The following EXOC6B variants were observed in gnomAD, a reference collection of about 807,000 sequenced individuals.
EXOC6B encodes exocyst complex component 6B.
In EXOC6B, 54 loss-of-function variants were observed where a neutral mutation model predicts 113.5. The ratio of observed to expected loss-of-function variants is 0.48; its 90% confidence interval spans 0.38 to 0.60. The LOEUF is 0.60. Among genes scored for constraint, EXOC6B ranks in the 20% least tolerant of loss-of-function variants. The pLI, the probability that EXOC6B is intolerant of heterozygous loss-of-function variation, is 0.00. For missense variants in EXOC6B, 797 were observed against 977.5 expected (o/e 0.82, Z 2.46); for synonymous variants, 357 against 339.0 (o/e 1.05, Z -0.58).
intron 6 of EXOC6B, among the ~76,000 whole-genome samples, chr2:72,671,965 T>A (rs756326144): frequency 7.3e-5 from 11 of 151,724 alleles, no homozygotes; most frequent in Non-Finnish European, 1.2e-4. Flanking sequence ...TCACTAATCA[T>A]CAAAGAAATG....
intron 20 of EXOC6B, among the ~76,000 whole-genome samples, chr2:72,258,506 G>A (rs1683494453): frequency 6.6e-6 from 1 of 151,064 alleles, no homozygotes. Flanking sequence ...TGGGACACAG[G>A]CATGAACCAC....
At chr2:72,429,572 T>C (rs1695402259) in intron 18 of EXOC6B, among the ~76,000 whole-genome samples, 1 of 152,232 alleles carries the variant, frequency 6.6e-6, no homozygotes, top group Admixed American at 6.5e-5. Flanking sequence ...GTGGTAGCAA[T>C]TATTTACTAT....
chr2:72,349,726 T>A (rs966621259), intron 19 of EXOC6B, among the ~76,000 whole-genome samples: 24 of 152,188 alleles, frequency 1.6e-4, no homozygotes, highest in Admixed American at 1.0e-3. Context: ...GTATCCTTTA[T>A]AATAAAACTA....
chr2:72,250,990 C>T (rs574812993), intron 20 of EXOC6B, among the ~76,000 whole-genome samples: 6 of 148,180 alleles, frequency 4.0e-5, no homozygotes, highest in Non-Finnish European at 9.1e-5. Flanking sequence ...GAGTAGTTGG[C>T]TAATTTTGTG....
chr2:72,653,034 C>T (rs1186398587), intron 6 of EXOC6B, among the ~76,000 whole-genome samples: 1 of 151,510 alleles, frequency 6.6e-6, no homozygotes, highest in Non-Finnish European at 1.5e-5. Flanking sequence ...AATCCTGTTG[C>T]CATTTTCCAG....
intron 18 of EXOC6B, among the ~76,000 whole-genome samples, chr2:72,415,322 T>C (rs1248001464): frequency 3.4e-5 from 5 of 147,478 alleles, no homozygotes; most frequent in East Asian, 3.9e-4. Flanking sequence ...AAGCAAAAGA[T>C]GCTGAGCCTG....
chr2:72,718,350 T>C (rs1573681580), intron 5 of EXOC6B, 43 bp from the exon 6 acceptor site: 1 of 1,565,258 alleles, frequency 6.4e-7, no homozygotes, highest in Non-Finnish European at 8.8e-7. Context: ...CAGTTTTCTT[T>C]AGGGTTAGGC....
chr2:72,358,324 CT>C (rs1026389456), intron 19 of EXOC6B, among the ~76,000 whole-genome samples: 2 of 151,980 alleles, frequency 1.3e-5, no homozygotes, highest in Non-Finnish European at 2.9e-5. Context: ...CAGATATCAC[CT>C]AGTCCACCTT....
chr2:72,722,332 A>G (rs1264732191), intron 5 of EXOC6B, among the ~76,000 whole-genome samples: 1 of 152,136 alleles, frequency 6.6e-6, no homozygotes, highest in Non-Finnish European at 1.5e-5. Context: ...CCTTAAAAAG[A>G]AAAAAGACTT....
At chr2:72,545,352 T>A (rs1270254502) in intron 8 of EXOC6B, among the ~76,000 whole-genome samples, 1 of 152,140 alleles carries the variant, frequency 6.6e-6, no homozygotes, top group Non-Finnish European at 1.5e-5. Flanking sequence ...TTGAAGTATT[T>A]CATTTAAAAA....
chr2:72,814,765 G>A (rs1339552957), intron 1 of EXOC6B, among the ~76,000 whole-genome samples: 1 of 151,796 alleles, frequency 6.6e-6, no homozygotes, highest in Admixed American at 6.6e-5. Context: ...GCCAAGGCAG[G>A]TGGATCACGA....
chr2:72,681,296 C>T (rs991620118), intron 6 of EXOC6B, among the ~76,000 whole-genome samples: 2 of 152,002 alleles, frequency 1.3e-5, no homozygotes, highest in Non-Finnish European at 2.9e-5. Context: ...TCATATTCAC[C>T]CTCAAAATTT....
intron 20 of EXOC6B, among the ~76,000 whole-genome samples, chr2:72,265,984 T>C (rs1356986616): frequency 2.0e-5 from 3 of 152,246 alleles, no homozygotes; most frequent in Admixed American, 2.0e-4. Context: ...TGGTTTTGAT[T>C]TGCATTTCTC....
chr2:72,464,170 A>G (rs1057348901), intron 18 of EXOC6B: 9 of 152,170 alleles, frequency 5.9e-5, no homozygotes, highest in African/African-American at 2.2e-4. Flanking sequence ...AGGGATGGTA[A>G]AGTAACACTG....
chr2:72,740,874 G>A (rs952164911), intron 2 of EXOC6B, among the ~76,000 whole-genome samples: 37 of 152,118 alleles, frequency 2.4e-4, no homozygotes, highest in African/African-American at 8.0e-4. Flanking sequence ...AGGCCGAGGC[G>A]GGCAGATCAC....
At position 72,305,979 on chromosome 2, in the gene EXOC6B, A is replaced by G. The variant is rs144127556; in HGVS notation, c.2196+28968T>C. 9.0e-3 allele frequency among the ~76,000 whole-genome samples: 1,374 copies of G among 152,218 alleles called. 17 individuals are homozygous for G. Among genetic ancestry groups the G allele is most frequent in the Non-Finnish European group, 0.013 (898 of 67,996 alleles). The stretch of plus-strand genomic sequence containing the variant: ...CCAGGGCCTTCTGTCTTGTTCTCCT[A>G]TTCCAAAAGGGGGAGCAAGCAGCAT... On this transcript the variant is annotated intron_variant, in intron 20 of 21. Coordinates refer to ENST00000272427, the MANE Select transcript of EXOC6B (RefSeq NM_015189.3).
intron 20 of EXOC6B, among the ~76,000 whole-genome samples, chr2:72,212,125 G>C (rs555553402): frequency 6.6e-6 from 1 of 152,202 alleles, no homozygotes; most frequent in Non-Finnish European, 1.5e-5. Context: ...TCTAAAGGTG[G>C]TTGACAGGGT....
At chr2:72,664,902 G>T (rs1027122485) in intron 6 of EXOC6B, among the ~76,000 whole-genome samples, 3 of 152,226 alleles carry the variant, frequency 2.0e-5, no homozygotes, top group African/African-American at 7.2e-5. Flanking sequence ...TCCCAGAGGG[G>T]CCAAAGGATG....
At chr2:72,593,378 T>C (rs1706099776) in intron 6 of EXOC6B, among the ~76,000 whole-genome samples, 1 of 152,126 alleles carries the variant, frequency 6.6e-6, no homozygotes, top group Non-Finnish European at 1.5e-5. Flanking sequence ...CTTGGGATTG[T>C]TATCAGCAGT....
Sources: allele counts gnomAD v4.1 joint callset (sites outside exome capture counted in the v4.1 genomes callset), GRCh38; gene constraint gnomAD v4.1.1; transcripts MANE v1.5; gene names NCBI Gene and HGNC (gene_info 2026-07-23, HGNC 2026-07-21).